Variants in NAV3 observed in about 807,000 individuals in gnomAD.
NAV3 encodes the protein neuron navigator 3.
A neutral mutation model predicts 244.7 loss-of-function variants in NAV3; 87 were observed. The observed-to-expected ratio is 0.36, with a 90% CI of 0.30 to 0.42. The LOEUF (loss-of-function observed/expected upper bound fraction) is 0.42. Ranked by LOEUF, NAV3 falls within the 20% of genes least tolerant of loss-of-function variation. The probability of loss-of-function intolerance (pLI) is 1.00; values close to 1 mark genes in which losing one functional copy is unlikely to be tolerated. For missense variants in NAV3, 2,663 were observed against 2,893.3 expected (o/e 0.92, Z 1.83); for synonymous variants, 1,126 against 1,042.2 (o/e 1.08, Z -1.55).
chr12:77,837,848 C>G (rs1386992434), intron 1 of NAV3, among the ~76,000 whole-genome samples: 1 of 152,220 alleles, frequency 6.6e-6, no homozygotes, highest in African/African-American at 2.4e-5. Flanking sequence ...CACATGGTCT[C>G]TACTGCATTG....
chr12:77,591,008 G>A (rs964428514), intron 2 of NAV3, among the ~76,000 whole-genome samples: 2 of 152,126 alleles, frequency 1.3e-5, no homozygotes, highest in African/African-American at 4.8e-5. Context: ...AGAGAAGGAG[G>A]AAATACAGTT....
chr12:78,029,985 T>C (rs946637874), intron 9 of NAV3, among the ~76,000 whole-genome samples: 7 of 152,178 alleles, frequency 4.6e-5, no homozygotes, highest in Admixed American at 4.6e-4. Flanking sequence ...GCACATAAAC[T>C]TTGTTTCATG....
At chr12:77,826,784 T>C (rs1873049303), upstream of NAV3, among the ~76,000 whole-genome samples, 1 of 152,212 alleles carries the variant, frequency 6.6e-6, no homozygotes, top group African/African-American at 2.4e-5. Flanking sequence ...GAGTGAGACA[T>C]TATCTACGGT....
At chr12:77,925,913 A>G (rs188688171) in intron 1 of NAV3, among the ~76,000 whole-genome samples, 1 of 152,208 alleles carries the variant, frequency 6.6e-6, no homozygotes, top group Non-Finnish European at 1.5e-5. Flanking sequence ...TGAAAATAGG[A>G]TGCCCTCTAG....
intron 1 of NAV3, among the ~76,000 whole-genome samples, chr12:77,927,775 T>G (rs1888355864): frequency 6.6e-6 from 1 of 152,218 alleles, no homozygotes; most frequent in Admixed American, 6.5e-5. Flanking sequence ...ATATCATTTT[T>G]TGTAGAAGAA....
intron 2 of NAV3, among the ~76,000 whole-genome samples, chr12:77,751,616 C>A (rs1483220144): frequency 6.6e-6 from 1 of 152,138 alleles, no homozygotes; most frequent in Non-Finnish European, 1.5e-5. Flanking sequence ...TCCTGAGGCC[C>A]CCCCAGCCAT....
chr12:77,790,828 C>G (rs1871145364), intron 2 of NAV3, among the ~76,000 whole-genome samples: 1 of 152,160 alleles, frequency 6.6e-6, no homozygotes, highest in African/African-American at 2.4e-5. Flanking sequence ...AGCCTCTCCT[C>G]TCTCACCTGA....
chr12:77,630,331 C>T (rs1871833448), intron 2 of NAV3, among the ~76,000 whole-genome samples: 1 of 152,120 alleles, frequency 6.6e-6, no homozygotes. Context: ...ATGAACTATT[C>T]CTATAGATTA....
chr12:77,697,238 A>G (rs1875347153), intron 2 of NAV3, among the ~76,000 whole-genome samples: 1 of 152,086 alleles, frequency 6.6e-6, no homozygotes, highest in African/African-American at 2.4e-5. Context: ...TAGATGCACT[A>G]TCACCATGTA....
chr12:77,998,271 G>A, intron 6 of NAV3, 66 bp from the exon 7 acceptor site: 1 of 1,233,746 alleles, frequency 8.1e-7, no homozygotes, highest in Non-Finnish European at 1.1e-6. Context: ...CTGACTTTCA[G>A]CACCTCCTGC....
At chr12:77,716,318 A>G (rs2137273399) in intron 2 of NAV3, among the ~76,000 whole-genome samples, 1 of 151,736 alleles carries the variant, frequency 6.6e-6, no homozygotes, top group South Asian at 2.1e-4. Flanking sequence ...ATTATTTGTT[A>G]CACTGCACTT....
chr12:78,203,780 C>G (rs767678047), intron 38 of NAV3, among the ~76,000 whole-genome samples: 5 of 151,620 alleles, frequency 3.3e-5, no homozygotes, highest in Non-Finnish European at 7.4e-5. Flanking sequence ...AAAAGTGTCC[C>G]TATGTTACTG....
Position 77,940,364 on chromosome 12 carries a change from A to C in NAV3, c.289A>C (p.Lys97Gln). 1.2e-6 allele frequency: 2 copies of C among 1,613,972 alleles called. No homozygotes were observed. The highest frequency in any genetic ancestry group is 1.7e-6 in the Non-Finnish European group (2 of 1,179,868). The change falls in exon 2 of 40, where the codon AAG (lysine) becomes CAG (glutamine). Residue 97 changes from lysine to glutamine, a missense_variant. This residue lies in a region of NAV3 where 1,521 missense variants were observed against 1,497.0 expected (regional missense o/e 1.02). Transcript: ENST00000397909. ...ANHYLAKSGH[K>Q]RLIKDLQQDI... is the part of the protein sequence containing the mutation. ...CCACTACCTAGCAAAATCAGGCCAC[A>C]AGCGGCTGATCAAGGACTTGCAACA... is the stretch of plus-strand genomic sequence containing the variant.
At position 78,168,742 on chromosome 12, in the gene NAV3, G is replaced by A. The variant is rs114367291; in HGVS notation, c.4870-13G>A. 2.5e-3 allele frequency: 3,900 copies of A among 1,568,956 alleles called. 83 individuals are homozygous for A. In the African/African-American group the frequency reaches 0.047, roughly 19 times the overall value. ...TCGGGTACTAAAGCTTCCAAACTCTGTTTATTCCACAGGAATCTGAACTTA... is the reference window on the plus strand; with the variant it reads ...TCGGGTACTAAAGCTTCCAAACTCTATTTATTCCACAGGAATCTGAACTTA... On this transcript the variant is annotated splice_polypyrimidine_tract_variant and intron_variant, in intron 23 of 39. Transcript: ENST00000397909.
At chr12:77,916,533 AT>A (rs35856310) in intron 1 of NAV3, among the ~76,000 whole-genome samples, 57,006 of 151,742 alleles carry the variant, frequency 0.38, 11,572 homozygotes, top group African/African-American at 0.53. Context: ...TTTTTCATTG[AT>A]TTTACTGTAC....
intron 2 of NAV3, among the ~76,000 whole-genome samples, chr12:77,789,835 A>AAAAAG (rs1871102853): frequency 1.4e-5 from 2 of 144,070 alleles, no homozygotes; most frequent in African/African-American, 2.6e-5. Flanking sequence ...AAAAAAAAAA[A>AAAAAG]AGAGAACAAG....
intron 2 of NAV3, among the ~76,000 whole-genome samples, chr12:77,811,838 A>G (rs1872302167): frequency 6.6e-6 from 1 of 152,222 alleles, no homozygotes; most frequent in Non-Finnish European, 1.5e-5. Flanking sequence ...AAAACTAAGC[A>G]TTTTAAAGTG....
intron 11 of NAV3, among the ~76,000 whole-genome samples, chr12:78,055,535 C>T (rs901818200): frequency 6.6e-6 from 1 of 152,154 alleles, no homozygotes; most frequent in Non-Finnish European, 1.5e-5. Flanking sequence ...TCACATAAAA[C>T]CCTCGCTGAT....
rs1248946919 is a variant in NAV3 at position 78,031,644 on chromosome 12, C to G, written c.2023+9782C>G. Among the ~76,000 whole-genome samples, 10 of 148,058 alleles carry G rather than the reference C, an allele frequency of 6.8e-5. 1 individual carries two copies. The East Asian group carries it at 8.0e-4, about 12-fold the overall frequency. The stretch of plus-strand genomic sequence containing the variant: ...GTAAACTATTGCAAGAACAAAAAAC[C>G]AAGCACCGCATATTCTCACTCATAG... On this transcript the variant is annotated intron_variant, in intron 9 of 39. Coordinates refer to ENST00000397909, the MANE Select transcript of NAV3 (RefSeq NM_001024383.2).
Sources: allele counts gnomAD v4.1 joint callset (sites outside exome capture counted in the v4.1 genomes callset), GRCh38; gene constraint gnomAD v4.1.1; regional missense constraint gnomAD v4.1.1; transcripts MANE v1.5; gene names NCBI Gene and HGNC (gene_info 2026-07-23, HGNC 2026-07-21).